DYNC2H1: variants seen among roughly 807,000 people sequenced by gnomAD.
DYNC2H1 encodes cytoplasmic dynein 2 heavy chain 1.
Under a neutral mutation model 570.0 loss-of-function variants are expected in DYNC2H1, and 410 were observed. That is an observed-to-expected ratio of 0.72 (90% CI 0.66 to 0.78). DYNC2H1 has a LOEUF of 0.78. Ranked by LOEUF, DYNC2H1 falls within the 30% of genes least tolerant of loss-of-function variation. The pLI is 0.00. For synonymous variants in DYNC2H1, 1,688 were observed against 1,677.6 expected, an observed-to-expected ratio of 1.01 and a Z score of -0.15; for missense variants, 4,865 against 5,046.4, an observed-to-expected ratio of 0.96 and a Z score of 1.09.
In DYNC2H1 at chr11:103,241,382, C is replaced by T. The variant is rs1335275133; in HGVS notation, c.9820-2311C>T. The T allele has an allele frequency of 9.3e-6, 6 of 643,092 alleles. No homozygotes were observed. Among genetic ancestry groups the T allele is most frequent in the Non-Finnish European group, 1.6e-5 (6 of 372,996 alleles). The allele number at this position is 643,092 out of a possible 1,614,324, so 39.8% of individuals were successfully genotyped here. On this transcript the variant is annotated intron_variant, in intron 63 of 88. Coordinates refer to ENST00000375735, the MANE Select transcript of DYNC2H1 (RefSeq NM_001377.3). This position sits in a 1 kb window ranked among gnomAD's most constrained non-coding sequence, Gnocchi z 5.1. ...CATGGAATACAGAGATAAAATGTAC[C>T]ATAGAAATCTTATCTAAATCTGTCT...
chr11:103,296,806 G>C (rs1049497156), intron 75 of DYNC2H1, among the ~76,000 whole-genome samples: 9 of 151,258 alleles, frequency 6.0e-5, no homozygotes, highest in Non-Finnish European at 8.8e-5. Flanking sequence ...CTTGGTCTGA[G>C]ACCCTTTTCT....
In DYNC2H1 at chr11:103,446,839, T is replaced by A. The variant is rs1944439430; in HGVS notation, c.12457-8347T>A. The stretch of plus-strand genomic sequence containing the variant: ...GGAAAGATAGGCCTTAAATAGGAGC[T>A]TGAACTATTCACAAAATAAGTTATA... On this transcript the variant is annotated intron_variant, in intron 85 of 88. Transcript: ENST00000375735. The surrounding 1 kb of genome is among the most constrained non-coding windows in gnomAD (Gnocchi z 4.5). 6.6e-6 allele frequency among the ~76,000 whole-genome samples: 1 copy of A among 152,108 alleles called. No individual in the cohort carries two copies. The highest frequency in any genetic ancestry group is 2.4e-5 in the African/African-American group (1 of 41,444).
intron 83 of DYNC2H1, among the ~76,000 whole-genome samples, chr11:103,386,656 C>A (rs1471908278): frequency 6.6e-6 from 1 of 152,152 alleles, no homozygotes; most frequent in African/African-American, 2.4e-5. Context: ...CACACTCCCC[C>A]CACCCCACAA....
At chr11:103,263,887 G>T (rs1865409078) in intron 70 of DYNC2H1, among the ~76,000 whole-genome samples, 1 of 151,640 alleles carries the variant, frequency 6.6e-6, no homozygotes, top group African/African-American at 2.4e-5. Context: ...ATAGAGACAT[G>T]AAAAACTCTT....
rs905011821 is a variant in DYNC2H1 at position 103,472,141 on chromosome 11, G to A, written c.12765+3436G>A. 3.3e-5 allele frequency among the ~76,000 whole-genome samples: 5 copies of A among 152,058 alleles called. No homozygotes were observed. Among genetic ancestry groups the A allele is most frequent in the Non-Finnish European group, 5.9e-5 (4 of 68,010 alleles). On this transcript the variant is annotated intron_variant, in intron 88 of 88. Transcript: ENST00000375735. The surrounding 1 kb of genome is among the most constrained non-coding windows in gnomAD (Gnocchi z 4.1). ...CATATGGAAGAATGGTGGGGGATGC[G>A]GCCAGAAAGGAAGGCCAAGACCAAG...
chr11:103,456,155 T>C (rs1219021158), intron 86 of DYNC2H1, 120 bp from the exon 87 acceptor site: 1 of 713,404 alleles, frequency 1.4e-6, no homozygotes, highest in African/African-American at 1.8e-5. Flanking sequence ...TTAATGGTAT[T>C]ATTATTTACA....
chr11:103,234,175 G>C lies in DYNC2H1; in HGVS notation c.9567+15G>C. 4 of 1,576,836 alleles carry C rather than the reference G, an allele frequency of 2.5e-6. No individual in the cohort carries two copies. The highest frequency in any genetic ancestry group is 3.4e-6 in the Non-Finnish European group (4 of 1,160,044). On this transcript the variant is annotated intron_variant, in intron 61 of 88. Coordinates refer to ENST00000375735, the MANE Select transcript of DYNC2H1 (RefSeq NM_001377.3). The stretch of plus-strand genomic sequence containing the variant: ...GGAATGCACAGGTTTGTTTGAGAGA[G>C]GGGCCATGAGGAGTCTACCTTTAAA...
intron 83 of DYNC2H1, among the ~76,000 whole-genome samples, chr11:103,390,880 G>T (rs1298386400): frequency 1.3e-5 from 2 of 152,138 alleles, no homozygotes; most frequent in African/African-American, 4.8e-5. Flanking sequence ...TTAGTCTGAT[G>T]GGCTTCCCTT....
At chr11:103,288,618 G>A (rs761063756) in intron 75 of DYNC2H1, among the ~76,000 whole-genome samples, 84 of 144,472 alleles carry the variant, frequency 5.8e-4, no homozygotes, top group African/African-American at 1.5e-3. Context: ...AGGCCAAAAC[G>A]GGCAGATCAC....
rs753005532 is a variant in DYNC2H1 at position 103,187,543 on chromosome 11, T to C, written c.7097T>C (p.Leu2366Pro). Residue 2366 changes from leucine (L) to proline (P), a missense_variant, in exon 43 of 89, where the codon CTT becomes CCT. By Grantham distance (98) the Leu-to-Pro change is moderately conservative. Around this residue, in one of 5 missense-constraint regions of DYNC2H1, gnomAD observed 2,401 missense variants for 2,454.6 expected, o/e 0.98. Coordinates refer to ENST00000375735, the MANE Select transcript of DYNC2H1 (RefSeq NM_001377.3). Reference sequence around the variant, plus strand: ...TTAAAAGATATCAACCTACCTAAACTTGATAAATGGGGGACCAGTACTTTG... The same window carrying C: ...TTAAAAGATATCAACCTACCTAAACCTGATAAATGGGGGACCAGTACTTTG... Reference protein sequence around the residue: ...LYLKDINLPKLDKWGTSTLVA... With the variant: ...LYLKDINLPKPDKWGTSTLVA... 2.5e-6 allele frequency: 4 copies of C among 1,613,074 alleles called. No individual in the cohort carries two copies. The African/African-American group carries it at 5.3e-5, about 22-fold the overall frequency.
At chr11:103,355,243 T>C (rs1433957580) in intron 82 of DYNC2H1, among the ~76,000 whole-genome samples, 1 of 152,128 alleles carries the variant, frequency 6.6e-6, no homozygotes, top group Non-Finnish European at 1.5e-5. Context: ...CCATATTCCC[T>C]GTAACAAAAA....
In DYNC2H1 at chr11:103,160,941, GTGTT is replaced by G; in HGVS notation, c.4391_4394del (p.Val1464AlafsTer9). 1.3e-6 allele frequency: 2 copies of G among 1,546,562 alleles called. No homozygotes were observed. The highest frequency in any genetic ancestry group is 8.7e-7 in the Non-Finnish European group (1 of 1,147,368). On this transcript the variant is annotated frameshift_variant, in exon 29 of 89. Coordinates refer to ENST00000375735, the MANE Select transcript of DYNC2H1 (RefSeq NM_001377.3). LOFTEE classifies it high-confidence loss of function. Reference sequence around the variant, plus strand: ...TGCTTTTATATTTCAGGTATTAACAGTGTTTGCTTTGATGAGAAATCAAAACATA... The same window carrying G: ...TGCTTTTATATTTCAGGTATTAACAGTGCTTTGATGAGAAATCAAAACATA...
At chr11:103,143,219 C>T (rs1487679579) in intron 17 of DYNC2H1, 49 bp from the exon 18 acceptor site, 4 of 1,574,660 alleles carry the variant, frequency 2.5e-6, no homozygotes, top group Non-Finnish European at 3.5e-6. Context: ...TATATGTTAA[C>T]ATATTGGTTC....
intron 47 of DYNC2H1, among the ~76,000 whole-genome samples, chr11:103,192,527 A>G (rs1043685004): frequency 1.7e-4 from 26 of 152,192 alleles, no homozygotes; most frequent in Admixed American, 6.5e-5. Context: ...TATTTTAATA[A>G]AAGTTTTTTT....
intron 82 of DYNC2H1, among the ~76,000 whole-genome samples, chr11:103,339,058 A>G (rs1462930776): frequency 6.6e-6 from 1 of 152,172 alleles, no homozygotes; most frequent in African/African-American, 2.4e-5. Flanking sequence ...TAACCCAGGT[A>G]TGCTGTGACC....
At position 103,334,111 on chromosome 11, in the gene DYNC2H1, C is replaced by CAACTG. The variant is rs1938984611; in HGVS notation, c.12039+10125_12039+10126insGAACT. On this transcript the variant is annotated intron_variant, in intron 82 of 88. Coordinates refer to ENST00000375735, the MANE Select transcript of DYNC2H1 (RefSeq NM_001377.3). This position sits in a 1 kb window ranked among gnomAD's most constrained non-coding sequence, Gnocchi z 4.3. ...GAACAAAAGTCAGAAAAATATGGGCCAACTTTACCTTTGAAAATATCCTTA... is the reference window on the plus strand; with the variant it reads ...GAACAAAAGTCAGAAAAATATGGGCCAACTGAACTTTACCTTTGAAAATATCCTTA... Among the ~76,000 whole-genome samples the CAACTG allele has an allele frequency of 6.6e-6, 1 of 152,048 alleles. No individual in the cohort carries two copies. The highest frequency in any genetic ancestry group is 1.5e-5 in the Non-Finnish European group (1 of 67,998).
chr11:103,211,244 G>A (rs1292123692), intron 53 of DYNC2H1, among the ~76,000 whole-genome samples: 2 of 151,876 alleles, frequency 1.3e-5, no homozygotes, highest in Non-Finnish European at 2.9e-5. Flanking sequence ...ATTACAAATT[G>A]ATTTCATTCA....
chr11:103,411,155 A>T (rs1251180970), intron 84 of DYNC2H1, among the ~76,000 whole-genome samples: 1 of 152,206 alleles, frequency 6.6e-6, no homozygotes, highest in African/African-American at 2.4e-5. Flanking sequence ...GTTAATTAGA[A>T]TATGAGGAAA....
chr11:103,474,167 T>C (rs1945480221), intron 88 of DYNC2H1: 2 of 171,950 alleles, frequency 1.2e-5, no homozygotes, highest in East Asian at 3.6e-4. Context: ...AATATACATT[T>C]TGAAACCTAG....
Sources: allele counts gnomAD v4.1 joint callset (sites outside exome capture counted in the v4.1 genomes callset), GRCh38; gene constraint gnomAD v4.1.1; regional missense constraint gnomAD v4.1.1; non-coding constraint Gnocchi (gnomAD v3.1); transcripts MANE v1.5; gene names NCBI Gene and HGNC (gene_info 2026-07-23, HGNC 2026-07-21).